Variants in RDM1 observed in about 807,000 individuals in gnomAD.
The protein encoded by RDM1 is RAD52 motif-containing protein 1.
A neutral mutation model predicts 27.7 loss-of-function variants in RDM1; 28 were observed. The observed-to-expected ratio is 1.01, with a 90% confidence interval of 0.75 to 1.39. The LOEUF is 1.39. RDM1 is among the 40% of genes most tolerant of loss of function. The probability of loss-of-function intolerance (pLI) is 0.00; values close to 1 mark genes in which losing one functional copy is unlikely to be tolerated. For missense variants in RDM1, 277 were observed against 337.3 expected (o/e 0.82, Z 1.40); for synonymous variants, 124 against 127.5 (o/e 0.97, Z 0.19).
intron 2 of RDM1, among the ~76,000 whole-genome samples, chr17:35,928,173 C>A (rs189968099): frequency 2.0e-5 from 3 of 152,226 alleles, no homozygotes; most frequent in African/African-American, 7.2e-5. Flanking sequence ...AGTAGCCAAT[C>A]AGGAATTGAA....
intron 4 of RDM1, among the ~76,000 whole-genome samples, chr17:35,923,079 C>A (rs2089005059): frequency 6.6e-6 from 1 of 152,206 alleles, no homozygotes; most frequent in South Asian, 2.1e-4. Flanking sequence ...CCTGGGGAGG[C>A]TGAGGCAGGT....
chr17:35,924,023 G>C (rs867015104), intron 4 of RDM1, among the ~76,000 whole-genome samples: 1 of 151,846 alleles, frequency 6.6e-6, no homozygotes, highest in African/African-American at 2.4e-5. Context: ...AGACCAGGTG[G>C]GACAACACAG....
At chr17:35,925,400 G>T in intron 3 of RDM1, 115 bp downstream of exon 3, 2 of 1,110,486 alleles carry the variant, frequency 1.8e-6, no homozygotes, top group Non-Finnish European at 2.6e-6. Context: ...ATCCTCAATG[G>T]TAGAGGCCTC....
chr17:35,925,466 A>G, intron 3 of RDM1, 49 bp downstream of exon 3: 1 of 1,600,462 alleles, frequency 6.2e-7, no homozygotes, highest in East Asian at 2.2e-5. Flanking sequence ...CTAGGATTTC[A>G]ATGTTGAAAG....
chr17:35,925,186 A>C (rs1468430926), intron 3 of RDM1, among the ~76,000 whole-genome samples: 3 of 152,070 alleles, frequency 2.0e-5, no homozygotes, highest in Non-Finnish European at 4.4e-5. Flanking sequence ...AACCCAAAAA[A>C]CAACTACACT....
intron 2 of RDM1, among the ~76,000 whole-genome samples, chr17:35,928,533 C>A (rs1288605806): frequency 6.6e-6 from 1 of 150,748 alleles, no homozygotes; most frequent in Non-Finnish European, 1.5e-5. Flanking sequence ...GAGGCTGAGG[C>A]GGGTAGATCA....
chr17:35,925,669 C>G, intron 2 of RDM1, 32 bp from the exon 3 acceptor site: 1 of 1,583,992 alleles, frequency 6.3e-7, no homozygotes. Context: ...CCATAAATAT[C>G]ACAACCGCTA....
intron 3 of RDM1, 147 bp downstream of exon 3, chr17:35,925,368 G>A (rs2089107373): frequency 1.3e-6 from 1 of 749,860 alleles, no homozygotes; most frequent in Admixed American, 2.9e-5. Context: ...TAGGTAGCAG[G>A]CCAATTCAGA....
rs142583612 is a variant in RDM1 at position 35,926,104 on chromosome 17, C to G, written c.277-467G>C. Among the ~76,000 whole-genome samples the G allele has an allele frequency of 4.4e-3, 666 of 151,312 alleles. 9 individuals carry two copies. Among genetic ancestry groups the G allele is most frequent in the African/African-American group, 0.014 (587 of 41,174 alleles). On this transcript the variant is annotated intron_variant, in intron 2 of 6. Coordinates refer to ENST00000620284, the MANE Select transcript of RDM1 (RefSeq NM_145654.4). Reference sequence around the variant, plus strand: ...AGCCGAGATGGTGCCATGCACTCCACCCTAGGTGACAGAGTGAGACTGTCT... The same window carrying G: ...AGCCGAGATGGTGCCATGCACTCCAGCCTAGGTGACAGAGTGAGACTGTCT...
chr17:35,925,098 C>T (rs1189734965), intron 3 of RDM1, among the ~76,000 whole-genome samples: 1 of 152,090 alleles, frequency 6.6e-6, no homozygotes, highest in African/African-American at 2.4e-5. Flanking sequence ...AGCGCCACTG[C>T]ACTCCAGCCT....
chr17:35,919,627 C>T (rs1454536213), intron 6 of RDM1, among the ~76,000 whole-genome samples: 1 of 152,140 alleles, frequency 6.6e-6, no homozygotes, highest in South Asian at 2.1e-4. Context: ...AGGGATAGCT[C>T]CATTATACTC....
intron 2 of RDM1, among the ~76,000 whole-genome samples, chr17:35,928,539 G>C (rs2089226072): frequency 6.6e-6 from 1 of 152,044 alleles, no homozygotes; most frequent in African/African-American, 2.4e-5. Flanking sequence ...GAGGCGGGTA[G>C]ATCACCTGAG....
chr17:35,926,549 A>G (rs926701893), intron 2 of RDM1, among the ~76,000 whole-genome samples: 2 of 151,654 alleles, frequency 1.3e-5, no homozygotes, highest in Non-Finnish European at 1.5e-5. Flanking sequence ...GACTACAGGC[A>G]CCTGCCACCA....
At chr17:35,923,729 C>T (rs2089035640) in intron 4 of RDM1, among the ~76,000 whole-genome samples, 2 of 152,264 alleles carry the variant, frequency 1.3e-5, no homozygotes, top group Non-Finnish European at 2.9e-5. Context: ...GGAGCCTACT[C>T]CACTCCATTA....
chr17:35,923,373 A>G (rs1164791682), intron 4 of RDM1, among the ~76,000 whole-genome samples: 9 of 124,904 alleles, frequency 7.2e-5, no homozygotes, highest in Non-Finnish European at 1.3e-4. Context: ...AAAAAAAAAG[A>G]GGCTAGGCAC....
intron 2 of RDM1, among the ~76,000 whole-genome samples, chr17:35,927,660 T>C (rs1223249132): frequency 6.6e-6 from 1 of 151,972 alleles, no homozygotes; most frequent in Non-Finnish European, 1.5e-5. Context: ...ACTGAAAGCT[T>C]TGAGTTTAGT....
chr17:35,921,475 A>G (rs1231674454), intron 5 of RDM1, among the ~76,000 whole-genome samples: 3 of 152,226 alleles, frequency 2.0e-5, no homozygotes, highest in Non-Finnish European at 4.4e-5. Flanking sequence ...TCCTTTGGGC[A>G]CAGCCTATAA....
intron 3 of RDM1, among the ~76,000 whole-genome samples, chr17:35,925,090 C>T (rs1171030004): frequency 6.6e-6 from 1 of 151,942 alleles, no homozygotes; most frequent in Non-Finnish European, 1.5e-5. Flanking sequence ...GCTGAGATAG[C>T]GCCACTGCAC....
chr17:35,924,515 TG>T (rs2089063283), intron 4 of RDM1, 88 bp downstream of exon 4: 1 of 1,397,338 alleles, frequency 7.2e-7, no homozygotes, highest in Non-Finnish European at 9.7e-7. Context: ...GATATGTATC[TG>T]AAAAGATGAG....
Sources: gnomAD v4.1 joint callset for allele counts (sites outside exome capture counted in the v4.1 genomes callset) on GRCh38, gnomAD v4.1.1 for gene constraint, MANE v1.5 for transcripts, NCBI Gene and HGNC (gene_info 2026-07-23, HGNC 2026-07-21) for gene names.